The following KARS1 variants were observed in gnomAD, a reference collection of about 807,000 sequenced individuals.
The protein encoded by KARS1 is lysyl-tRNA synthetase 1.
KARS1 carries 50 observed loss-of-function variants against 63.9 expected under a neutral mutation model. That is an observed-to-expected ratio of 0.78 (90% CI 0.62 to 0.99). The LOEUF (loss-of-function observed/expected upper bound fraction) is 0.99. Ranked by LOEUF, KARS1 falls within the 50% of genes least tolerant of loss-of-function variation. The pLI, the probability that KARS1 is intolerant of heterozygous loss-of-function variation, is 0.00. For missense variants in KARS1, 816 were observed against 754.5 expected, an observed-to-expected ratio of 1.08 and a Z score of -0.95; for synonymous variants, 320 against 264.6, an observed-to-expected ratio of 1.21 and a Z score of -2.03.
intron 3 of KARS1, 92 bp downstream of exon 3, chr16:75,640,092 G>C: frequency 9.1e-7 from 1 of 1,104,074 alleles, no homozygotes; most frequent in African/African-American, 1.5e-5. Context: ...GGCTACTTGA[G>C]AACAAGACCA....
At chr16:75,633,021 T>TGGGGGCCATCTTGG (rs2082128847) in intron 7 of KARS1, among the ~76,000 whole-genome samples, 1 of 152,082 alleles carries the variant, frequency 6.6e-6, no homozygotes. Flanking sequence ...ATGGCCCTCT[T>TGGGGGCCATCTTGG]GGGGGGAGGT....
chr16:75,642,098 A>C (rs1465393266), intron 1 of KARS1, among the ~76,000 whole-genome samples: 1 of 150,494 alleles, frequency 6.6e-6, no homozygotes, highest in African/African-American at 2.4e-5. Flanking sequence ...TCTTGAGCTA[A>C]TTAGGTTAGG....
At chr16:75,645,905 T>C (rs1014207545) in intron 1 of KARS1, among the ~76,000 whole-genome samples, 1 of 148,568 alleles carries the variant, frequency 6.7e-6, no homozygotes, top group Non-Finnish European at 1.5e-5. Context: ...TCCGTTTACC[T>C]AAAAACACAC....
chr16:75,631,602 C>T lies in KARS1; in HGVS notation c.1079-13G>A. Reference sequence around the variant, plus strand: ...TGCTTCACCATCCCTGGGAGAGAAACCTGTTATTTAGCGGGAATGAAATCC... The same window carrying T: ...TGCTTCACCATCCCTGGGAGAGAAATCTGTTATTTAGCGGGAATGAAATCC... On this transcript the variant is annotated splice_polypyrimidine_tract_variant and intron_variant, in intron 8 of 13. Transcript: ENST00000302445. The T allele has an allele frequency of 1.9e-6, 3 of 1,614,086 alleles. No individual in the cohort carries two copies. Among genetic ancestry groups the T allele is most frequent in the East Asian group, 2.2e-5 (1 of 44,880 alleles).
intron 1 of KARS1, among the ~76,000 whole-genome samples, chr16:75,645,843 CA>C (rs11363202): frequency 0.11 from 9,175 of 81,972 alleles, 415 homozygotes; most frequent in African/African-American, 0.24. Flanking sequence ...ACTCTGCCTC[CA>C]AAAAAAAAAA....
chr16:75,631,395 G>A (rs763304502), intron 9 of KARS1, 21 bp downstream of exon 9: 5 of 1,612,990 alleles, frequency 3.1e-6, no homozygotes, highest in East Asian at 2.2e-5. Context: ...TACAACGGAG[G>A]AGTGAGTGTT....
intron 13 of KARS1, 23 bp downstream of exon 13, chr16:75,628,544 TGC>T (rs758359458): frequency 6.2e-7 from 1 of 1,612,394 alleles, no homozygotes; most frequent in Non-Finnish European, 8.5e-7. Flanking sequence ...TCAGGAAGTG[TGC>T]TCTGTGGAGG....
intron 2 of KARS1, 99 bp downstream of exon 2, chr16:75,641,465 C>G (rs935396177): frequency 9.0e-6 from 9 of 998,920 alleles, no homozygotes; most frequent in African/African-American, 1.6e-5. Context: ...TGACCTCAGG[C>G]GTACTGGTCC....
At chr16:75,631,916 T>C in intron 7 of KARS1, 61 bp from the exon 8 acceptor site, 3 of 1,594,492 alleles carry the variant, frequency 1.9e-6, no homozygotes, top group African/African-American at 1.3e-5. Flanking sequence ...AGATGGAGTT[T>C]TGCTCTTGTT....
intron 3 of KARS1, chr16:75,639,896 A>G (rs1395753996): frequency 4.6e-6 from 2 of 438,642 alleles, no homozygotes; most frequent in Non-Finnish European, 8.3e-6. Flanking sequence ...TAGGCCAAAG[A>G]CTGGAATTCT....
In KARS1 at chr16:75,629,598, T is replaced by A. The variant is rs1328750682; in HGVS notation, c.1425-57A>T. 3.7e-6 allele frequency: 6 copies of A among 1,604,224 alleles called. No homozygotes were observed. In the Admixed American group the frequency reaches 1.0e-4, roughly 27 times the overall value. On this transcript the variant is annotated intron_variant, in intron 11 of 13. Coordinates refer to ENST00000302445, the MANE Select transcript of KARS1 (RefSeq NM_005548.3). ...TATAGAGGCCCCTAATGAGCTAAAT[T>A]TTGTTTTTTCTTTTTTTTTGAGACG...
chr16:75,633,167 T>C (rs1274753154), intron 7 of KARS1, among the ~76,000 whole-genome samples: 5 of 152,334 alleles, frequency 3.3e-5, no homozygotes, highest in Admixed American at 6.5e-5. Context: ...GTTAATTCTA[T>C]ACTAAATAAA....
chr16:75,631,319 G>A, intron 9 of KARS1, 66 bp from the exon 10 acceptor site: 1 of 1,577,770 alleles, frequency 6.3e-7, no homozygotes, highest in African/African-American at 1.3e-5. Context: ...TGTACATAAA[G>A]AGAATAGTGT....
chr16:75,632,860 G>A (rs932725384), intron 7 of KARS1, among the ~76,000 whole-genome samples: 5 of 152,188 alleles, frequency 3.3e-5, no homozygotes, highest in Admixed American at 1.3e-4. Context: ...TTGGAAGGCC[G>A]AAAGGTTACG....
chr16:75,634,295 A>G lies in KARS1; in HGVS notation c.796-3T>C, dbSNP rs2082140961. ...ATGTTCATCATGGGAGTTTCAATCT[A>G]AAAAAGGCAGGGAGAAACATCAGTC... is the stretch of plus-strand genomic sequence containing the variant. On this transcript the variant is annotated splice_polypyrimidine_tract_variant and splice_region_variant and intron_variant, in intron 6 of 13. Transcript: ENST00000302445. 8.1e-6 allele frequency: 13 copies of G among 1,613,258 alleles called. No homozygotes were observed. The highest frequency in any genetic ancestry group is 1.7e-5 in the Admixed American group (1 of 59,988).
intron 1 of KARS1, among the ~76,000 whole-genome samples, chr16:75,645,708 G>T (rs77405224): frequency 2.0e-5 from 3 of 152,172 alleles, no homozygotes; most frequent in African/African-American, 4.8e-5. Context: ...TTAACCGGGT[G>T]TTGTGGCATG....
In KARS1 at chr16:75,631,464, T is replaced by C. The variant is rs756599606; in HGVS notation, c.1204A>G (p.Lys402Glu). The change falls in exon 9 of 14, where the codon AAA (lysine) becomes GAA (glutamate). Residue 402 changes from lysine (K) to glutamate (E), a missense_variant. Coordinates refer to ENST00000302445, the MANE Select transcript of KARS1 (RefSeq NM_005548.3). ...TCTGGCAGCTTCATCCCCAGGGCTT[T>C]CTCAAGCTCTTCTACCATGTTGATT... ...RRINMVEELE[K>E]ALGMKLPETN... 1 of 1,614,212 alleles carries C rather than the reference T, an allele frequency of 6.2e-7. No individual in the cohort carries two copies. Among genetic ancestry groups the C allele is most frequent in the South Asian group, 1.1e-5 (1 of 91,088 alleles).
intron 3 of KARS1, among the ~76,000 whole-genome samples, chr16:75,637,454 T>G (rs1445910990): frequency 6.6e-6 from 1 of 151,942 alleles, no homozygotes; most frequent in African/African-American, 2.4e-5. Flanking sequence ...ATGTGTCCGT[T>G]TCCATACAGG....
intron 1 of KARS1, among the ~76,000 whole-genome samples, chr16:75,643,340 A>G (rs1332274242): frequency 6.6e-6 from 1 of 152,104 alleles, no homozygotes; most frequent in African/African-American, 2.4e-5. Context: ...TGAATTTAGA[A>G]TAACTTTAAA....
Sources: allele counts gnomAD v4.1 joint callset (sites outside exome capture counted in the v4.1 genomes callset), GRCh38; gene constraint gnomAD v4.1.1; transcripts MANE v1.5; gene names NCBI Gene and HGNC (gene_info 2026-07-23, HGNC 2026-07-21).